Variants in NCAM2 observed in about 807,000 individuals in gnomAD.
The protein encoded by NCAM2 is N-CAM-2.
Under a neutral mutation model 98.1 loss-of-function variants are expected in NCAM2, and 30 were observed. That is an observed-to-expected ratio of 0.31 (90% CI 0.23 to 0.41). NCAM2 has a LOEUF of 0.41. Ranked by LOEUF, NCAM2 falls within the 10% of genes least tolerant of loss-of-function variation. The pLI is 1.00. For synonymous variants in NCAM2, 368 were observed against 342.4 expected (o/e 1.07, Z -0.83); for missense variants, 867 against 1,005.8 (o/e 0.86, Z 1.87).
chr21:21,036,443 A>G (rs916678189), intron 1 of NCAM2, among the ~76,000 whole-genome samples: 1 of 152,208 alleles, frequency 6.6e-6, no homozygotes, highest in African/African-American at 2.4e-5. Context: ...AGGGAAGTTT[A>G]AGTTTTTCCC....
intron 8 of NCAM2, among the ~76,000 whole-genome samples, chr21:21,361,393 G>A (rs1164084131): frequency 6.6e-6 from 1 of 151,924 alleles, no homozygotes; most frequent in Non-Finnish European, 1.5e-5. Context: ...AAACCTAATG[G>A]TTGACCTAGT....
At chr21:21,072,693 A>T (rs2065597870) in intron 1 of NCAM2, among the ~76,000 whole-genome samples, 1 of 152,186 alleles carries the variant, frequency 6.6e-6, no homozygotes, top group Non-Finnish European at 1.5e-5. Flanking sequence ...AGTGCCCATT[A>T]TTAGTGTAAC....
intron 1 of NCAM2, among the ~76,000 whole-genome samples, chr21:21,231,366 G>A (rs971085945): frequency 1.3e-5 from 2 of 151,250 alleles, no homozygotes; most frequent in African/African-American, 2.4e-5. Context: ...AGGAATATAT[G>A]TATCATTATC....
intron 1 of NCAM2, among the ~76,000 whole-genome samples, chr21:21,097,687 A>G (rs1197033401): frequency 1.3e-5 from 2 of 151,540 alleles, no homozygotes; most frequent in Non-Finnish European, 3.0e-5. Context: ...TTGTGCAAGA[A>G]AGTGTCTGCA....
chr21:21,391,816 GT>G (rs1174063291), intron 9 of NCAM2, among the ~76,000 whole-genome samples: 1 of 154 alleles, frequency 6.5e-3, no homozygotes, highest in Admixed American at 0.071. Context: ...TTAGGTACAA[GT>G]TATTTTTATG....
intron 1 of NCAM2, among the ~76,000 whole-genome samples, chr21:21,132,710 G>T (rs926000091): frequency 2.6e-5 from 4 of 152,126 alleles, no homozygotes; most frequent in Non-Finnish European, 4.4e-5. Context: ...TATCAGCATA[G>T]ATAAATCTCA....
intron 15 of NCAM2, among the ~76,000 whole-genome samples, chr21:21,477,985 C>T (rs952143164): frequency 2.0e-5 from 3 of 152,136 alleles, no homozygotes; most frequent in African/African-American, 7.2e-5. Context: ...TAAGAAGGCT[C>T]ATAAAATGGG....
intron 15 of NCAM2, among the ~76,000 whole-genome samples, chr21:21,496,241 A>G (rs150609814): frequency 2.4e-4 from 37 of 152,010 alleles, no homozygotes; most frequent in African/African-American, 8.4e-4. Flanking sequence ...TCAACAATGT[A>G]TAAGCATTTT....
intron 12 of NCAM2, among the ~76,000 whole-genome samples, chr21:21,434,578 G>C (rs1313643706): frequency 6.6e-6 from 1 of 151,950 alleles, no homozygotes; most frequent in African/African-American, 2.4e-5. Context: ...TTTTAAATTT[G>C]ACTACTACAT....
At chr21:20,999,888 C>T (rs991979061) in intron 1 of NCAM2, among the ~76,000 whole-genome samples, 1 of 152,148 alleles carries the variant, frequency 6.6e-6, no homozygotes, top group Non-Finnish European at 1.5e-5. Flanking sequence ...TGCCCTTCTC[C>T]TCCCCACAGC....
chr21:21,383,922 T>C (rs972289486), intron 9 of NCAM2, among the ~76,000 whole-genome samples: 6 of 152,208 alleles, frequency 3.9e-5, no homozygotes, highest in African/African-American at 1.2e-4. Context: ...TTTAAAAAAG[T>C]GTTTAAGTAT....
chr21:21,367,116 T>C (rs1304488008), intron 8 of NCAM2, among the ~76,000 whole-genome samples: 1 of 152,046 alleles, frequency 6.6e-6, no homozygotes, highest in Admixed American at 6.6e-5. Flanking sequence ...CTTCATAATA[T>C]AATTTGGCTC....
Position 21,050,220 on chromosome 21 carries a change from G to A in NCAM2, c.55+51602G>A, listed in dbSNP as rs577643840. On this transcript the variant is annotated intron_variant, in intron 1 of 17. Transcript: ENST00000400546. Reference sequence around the variant, plus strand: ...TGCATTTCACACACTCCCTTAATTTGTACCAGACCTAAAAAAGTGAAAGGA... The same window carrying A: ...TGCATTTCACACACTCCCTTAATTTATACCAGACCTAAAAAAGTGAAAGGA... 7.9e-5 allele frequency among the ~76,000 whole-genome samples: 12 copies of A among 151,546 alleles called. No individual in the cohort carries two copies. The South Asian group carries it at 2.5e-3, about 32-fold the overall frequency.
At chr21:21,319,736 T>C (rs1386759253) in intron 5 of NCAM2, among the ~76,000 whole-genome samples, 2 of 151,948 alleles carry the variant, frequency 1.3e-5, no homozygotes, top group Non-Finnish European at 2.9e-5. Context: ...CTTGTACATA[T>C]GATCTACGCA....
chr21:21,442,202 A>G (rs1037115399), intron 12 of NCAM2, among the ~76,000 whole-genome samples: 5 of 151,980 alleles, frequency 3.3e-5, no homozygotes, highest in African/African-American at 1.2e-4. Flanking sequence ...GAAAGAGTGC[A>G]ATAAGGCGGA....
chr21:21,384,442 G>A (rs934900410), intron 9 of NCAM2, among the ~76,000 whole-genome samples: 2 of 151,638 alleles, frequency 1.3e-5, no homozygotes, highest in African/African-American at 2.4e-5. Flanking sequence ...GATTCTTATA[G>A]TATTTCTTTA....
At chr21:21,102,198 G>A (rs925414970) in intron 1 of NCAM2, among the ~76,000 whole-genome samples, 2 of 151,984 alleles carry the variant, frequency 1.3e-5, no homozygotes, top group East Asian at 1.9e-4. Context: ...AGGTTACTGC[G>A]TCATAGCCTC....
chr21:21,235,943 A>T (rs1241224936), intron 1 of NCAM2, among the ~76,000 whole-genome samples: 1 of 152,018 alleles, frequency 6.6e-6, no homozygotes, highest in Non-Finnish European at 1.5e-5. Context: ...TTCATAACCA[A>T]TTATTTCCTT....
At chr21:21,169,115 G>A (rs552945527) in intron 1 of NCAM2, among the ~76,000 whole-genome samples, 127 of 152,250 alleles carry the variant, frequency 8.3e-4, no homozygotes, top group Middle Eastern at 3.4e-3. Flanking sequence ...ACCGAGTAGA[G>A]ATTCCAGAAG....
Sources: gnomAD v4.1 joint callset for allele counts (sites outside exome capture counted in the v4.1 genomes callset) on GRCh38, gnomAD v4.1.1 for gene constraint, MANE v1.5 for transcripts, NCBI Gene and HGNC (gene_info 2026-07-23, HGNC 2026-07-21) for gene names.